Variants in EIF2AK4 observed in about 807,000 individuals in gnomAD.
EIF2AK4 encodes the protein eukaryotic translation initiation factor 2 alpha kinase 4, also known as eIF-2-alpha kinase GCN2.
A neutral mutation model predicts 211.1 loss-of-function variants in EIF2AK4; 139 were observed. The ratio of observed to expected loss-of-function variants is 0.66; its 90% CI spans 0.57 to 0.76. The LOEUF is 0.76. EIF2AK4 is among the 30% of genes least tolerant of loss of function. The pLI, the probability that EIF2AK4 is intolerant of heterozygous loss-of-function variation, is 0.00. For missense variants in EIF2AK4, 1,664 were observed against 2,043.8 expected, an observed-to-expected ratio of 0.81 and a Z score of 3.58; for synonymous variants, 710 against 751.3, an observed-to-expected ratio of 0.94 and a Z score of 0.90.
In EIF2AK4 at chr15:39,943,343, G is replaced by A. The variant is rs774072604; in HGVS notation, c.258-40G>A. ...TAATGCAAACAGGCTATACTTTCTG[G>A]AGTAACTCTTTTTTTTTTTTTTTTT... On this transcript the variant is annotated intron_variant, in intron 2 of 38. Transcript: ENST00000263791. 2.9e-6 allele frequency: 4 copies of A among 1,398,942 alleles called. No homozygotes were observed. The Admixed American group carries it at 7.2e-5, about 25-fold the overall frequency. The allele number at this position is 1,398,942 out of a possible 1,614,324, so 86.7% of individuals were successfully genotyped here. A position where few individuals can be genotyped will look rare whatever the true frequency, so the allele number is the denominator to read the frequency against.
intron 35 of EIF2AK4, among the ~76,000 whole-genome samples, chr15:40,030,814 G>A (rs928440843): frequency 2.6e-5 from 4 of 152,174 alleles, no homozygotes; most frequent in Admixed American, 6.5e-5. Flanking sequence ...TTCCATACAT[G>A]GTTTCGGCAT....
chr15:39,941,533 C>T (rs2034144676), intron 2 of EIF2AK4, among the ~76,000 whole-genome samples: 1 of 150,982 alleles, frequency 6.6e-6, no homozygotes. Context: ...AGTGTTTATT[C>T]TTGAAAAATC....
chr15:39,946,592 C>T, intron 3 of EIF2AK4: 2 of 701,718 alleles, frequency 2.9e-6, no homozygotes. Flanking sequence ...GAAGCAGCAG[C>T]AGGGTTGGAG....
intron 29 of EIF2AK4, among the ~76,000 whole-genome samples, chr15:40,018,716 T>C (rs751060696): frequency 3.3e-5 from 5 of 152,224 alleles, no homozygotes; most frequent in Non-Finnish European, 7.3e-5. Context: ...TCCAAAATAT[T>C]ATTTCAACAT....
chr15:40,018,821 T>C (rs1482192500), intron 29 of EIF2AK4, among the ~76,000 whole-genome samples: 2 of 152,230 alleles, frequency 1.3e-5, no homozygotes, highest in African/African-American at 4.8e-5. Flanking sequence ...CATGTGTCAA[T>C]TTGGATTAGC....
rs545191742 is a variant in EIF2AK4 at position 39,982,725 on chromosome 15, A to G, written c.2320-3080A>G. On this transcript the variant is annotated intron_variant, in intron 13 of 38. Transcript: ENST00000263791. Reference sequence around the variant, plus strand: ...CCCACCCCCTAACAGGCAAGCCCCAATGTGTGATGTTCCCCTCCTTGTGCC... The same window carrying G: ...CCCACCCCCTAACAGGCAAGCCCCAGTGTGTGATGTTCCCCTCCTTGTGCC... Among the ~76,000 whole-genome samples the G allele has an allele frequency of 1.6e-3, 242 of 151,890 alleles. 1 individual carries two copies. Among genetic ancestry groups the G allele is most frequent in the African/African-American group, 5.7e-3 (236 of 41,440 alleles).
chr15:39,980,485 G>T (rs796537482), intron 13 of EIF2AK4, among the ~76,000 whole-genome samples: 19 of 152,286 alleles, frequency 1.2e-4, no homozygotes, highest in African/African-American at 4.6e-4. Flanking sequence ...GCTTGAGGTT[G>T]TTTTTATTAA....
intron 9 of EIF2AK4, among the ~76,000 whole-genome samples, chr15:39,970,303 G>GCATT (rs2034605595): frequency 6.6e-6 from 1 of 152,080 alleles, no homozygotes; most frequent in Admixed American, 6.6e-5. Context: ...AAAATACTGT[G>GCATT]CATTCTAGGT....
In EIF2AK4 at chr15:39,976,509, A is replaced by C. The variant is rs745326214; in HGVS notation, c.1914A>C (p.Thr638=). 3 of 1,612,406 alleles carry C rather than the reference A, an allele frequency of 1.9e-6. No homozygotes were observed. The highest frequency in any genetic ancestry group is 2.5e-6 in the Non-Finnish European group (3 of 1,179,706). The change falls in exon 12 of 39, where the codon ACA becomes ACC. Residue 638 remains threonine (T), a synonymous_variant. Transcript: ENST00000263791. ...TCCGCAGGATCAAGGGCGAAGTGAC[A>C]CTGCTGTCACGGCTGCACCATGAGA... The part of the protein sequence containing the change: ...RQFRRIKGEV[T]LLSRLHHENI...
At chr15:39,977,144 C>CAAAAAA in intron 12 of EIF2AK4, 1 of 315,336 alleles carries the variant, frequency 3.2e-6, no homozygotes, top group Non-Finnish European at 5.8e-6. Flanking sequence ...AAAACAAAAA[C>CAAAAAA]AAAAACAAAA....
chr15:39,973,751 T>C lies in EIF2AK4; in HGVS notation c.1818+2T>C, dbSNP rs1198134045. On this transcript the variant is annotated splice_donor_variant, in intron 11 of 38. Transcript: ENST00000263791. LOFTEE classifies it high-confidence loss of function. ...GGAGCTTTTGGAGCTGTCATCAAGG[T>C]GTGGTACAGAGTCATTCCCAGTCCC... 6.2e-7 allele frequency: 1 copy of C among 1,614,122 alleles called. No homozygotes were observed. Among genetic ancestry groups the C allele is most frequent in the Non-Finnish European group, 8.5e-7 (1 of 1,179,960 alleles).
At chr15:39,941,683 C>T (rs1295830326) in intron 2 of EIF2AK4, among the ~76,000 whole-genome samples, 1 of 152,156 alleles carries the variant, frequency 6.6e-6, no homozygotes, top group African/African-American at 2.4e-5. Context: ...CTTGGCACTA[C>T]TGACATGTGG....
chr15:39,936,091 C>T (rs541149570), intron 1 of EIF2AK4, among the ~76,000 whole-genome samples: 7 of 152,118 alleles, frequency 4.6e-5, no homozygotes, highest in Non-Finnish European at 1.0e-4. Context: ...GTTGTCTGCT[C>T]CTAGGGCTGC....
chr15:39,977,144 C>CAAAAACAA (rs1265181766), intron 12 of EIF2AK4: 9 of 315,218 alleles, frequency 2.9e-5, no homozygotes, highest in African/African-American at 1.9e-4. Context: ...AAAACAAAAA[C>CAAAAACAA]AAAAACAAAA....
chr15:39,977,262 G>A (rs2034712964), intron 12 of EIF2AK4: 1 of 161,454 alleles, frequency 6.2e-6, no homozygotes, highest in Non-Finnish European at 1.3e-5. Context: ...TCCACAGACG[G>A]GTGTTAGGGA....
At position 40,017,259 on chromosome 15, in the gene EIF2AK4, T is replaced by C. The variant is rs889471477; in HGVS notation, c.4065+17T>C. On this transcript the variant is annotated intron_variant, in intron 29 of 38. Transcript: ENST00000263791. ...GACCTGCTGGTGAGGGCTTGCCCTT[T>C]ATTTATTTGCTCTGACTTAATTTTA... 3.8e-5 allele frequency: 60 copies of C among 1,588,708 alleles called. No homozygotes were observed. The highest frequency in any genetic ancestry group is 5.0e-5 in the Non-Finnish European group (58 of 1,161,402).
chr15:39,950,752 T>G (rs1009130597), intron 4 of EIF2AK4, among the ~76,000 whole-genome samples: 6 of 72,526 alleles, frequency 8.3e-5, no homozygotes, highest in Non-Finnish European at 1.2e-4. Context: ...TTCACACACA[T>G]GTGAGATACG....
rs74465584 is a variant in EIF2AK4, at chr15:39,969,097, A to G, written c.1553+1218A>G. ...GACAAATATGATGATAGAATCACAG[A>G]TGGAAAGTTTCATTTCCATCTTCAA... On this transcript the variant is annotated intron_variant, in intron 9 of 38. Coordinates refer to ENST00000263791, the MANE Select transcript of EIF2AK4 (RefSeq NM_001013703.4). Among the ~76,000 whole-genome samples the G allele has an allele frequency of 7.5e-3, 1,146 of 152,244 alleles. 9 individuals carry two copies. The highest frequency in any genetic ancestry group is 0.026 in the African/African-American group (1,087 of 41,552).
intron 3 of EIF2AK4, chr15:39,946,510 G>C (rs2034229398): frequency 2.9e-6 from 2 of 699,722 alleles, no homozygotes; most frequent in African/African-American, 1.7e-5. Flanking sequence ...TTTCTTGAGT[G>C]GTTCCTGAAG....
Sources: allele counts gnomAD v4.1 joint callset (sites outside exome capture counted in the v4.1 genomes callset), GRCh38; gene constraint gnomAD v4.1.1; transcripts MANE v1.5; gene names NCBI Gene and HGNC (gene_info 2026-07-23, HGNC 2026-07-21).